Variants in HIVEP1 observed in about 807,000 individuals in gnomAD.
HIVEP1 encodes the protein HIVEP zinc finger 1.
Under a neutral mutation model 180.0 loss-of-function variants are expected in HIVEP1, and 36 were observed. The ratio of observed to expected loss-of-function variants is 0.20; its 90% CI spans 0.15 to 0.26. The LOEUF (loss-of-function observed/expected upper bound fraction) is 0.26, where lower values mean the gene tolerates loss of function less well. HIVEP1 is among the 10% of genes least tolerant of loss of function. The pLI is 1.00. For missense variants in HIVEP1, 3,143 were observed against 3,268.7 expected (o/e 0.96, Z 0.94); for synonymous variants, 1,239 against 1,239.0 (o/e 1.00, Z 0.00).
At chr6:12,211,139 C>T in the HIVEP1 span, among the ~76,000 whole-genome samples, 40,129 of 147,982 alleles carry the variant, frequency 0.27, 5,970 homozygotes, top group African/African-American at 0.37. Context: ...GTGGCTCACG[C>T]CTGTGATCCC....
intron 3 of HIVEP1, among the ~76,000 whole-genome samples, chr6:12,090,177 A>G (rs998981907): frequency 1.3e-5 from 2 of 152,160 alleles, no homozygotes; most frequent in African/African-American, 4.8e-5. Context: ...ACTATCTGTT[A>G]ATGAGCAAAA....
At chr6:12,091,549 G>A (rs1317461438) in intron 3 of HIVEP1, among the ~76,000 whole-genome samples, 2 of 152,004 alleles carry the variant, frequency 1.3e-5, no homozygotes, top group African/African-American at 2.4e-5. Flanking sequence ...GATTAAAAAA[G>A]ACATTTCCTC....
intron 3 of HIVEP1, among the ~76,000 whole-genome samples, chr6:12,108,738 C>T (rs903651357): frequency 2.6e-5 from 4 of 152,156 alleles, no homozygotes; most frequent in East Asian, 1.9e-4. Context: ...CTGCAAGCGC[C>T]GCGCGCACCC....
At chr6:12,045,356 C>T (rs1032576072) in intron 2 of HIVEP1, among the ~76,000 whole-genome samples, 1 of 152,170 alleles carries the variant, frequency 6.6e-6, no homozygotes, top group Admixed American at 6.5e-5. Flanking sequence ...TTAGATTCAC[C>T]TGAAAGGAGG....
At chr6:12,184,496 A>G in the HIVEP1 span, among the ~76,000 whole-genome samples, 4 of 152,214 alleles carry the variant, frequency 2.6e-5, no homozygotes, top group Admixed American at 2.6e-4. Context: ...ATTGCCATTG[A>G]TTAATGTGGC....
the HIVEP1 span, among the ~76,000 whole-genome samples, chr6:12,187,999 T>C: frequency 6.6e-5 from 10 of 152,152 alleles, no homozygotes; most frequent in African/African-American, 9.7e-5. Flanking sequence ...AGACAGCCTA[T>C]CAGGGACTAG....
At chr6:12,098,155 T>A (rs1193380073) in intron 3 of HIVEP1, among the ~76,000 whole-genome samples, 1 of 152,220 alleles carries the variant, frequency 6.6e-6, no homozygotes, top group African/African-American at 2.4e-5. Context: ...TATAATTGAT[T>A]AGAAGATGCA....
chr6:12,041,922 G>A lies in HIVEP1; in HGVS notation c.40+26254G>A, dbSNP rs577717263. On this transcript the variant is annotated intron_variant, in intron 2 of 8. Transcript: ENST00000379388. ...GATCCGCCCGCCTTGGCCTCCCAAA[G>A]TGCTGGGGTTATAGGTGTGAGTCAC... 5.9e-5 allele frequency among the ~76,000 whole-genome samples: 9 copies of A among 151,984 alleles called. No homozygotes were observed. The East Asian group carries it at 1.7e-3, about 29-fold the overall frequency.
intron 3 of HIVEP1, among the ~76,000 whole-genome samples, chr6:12,101,831 A>G (rs938443371): frequency 2.0e-5 from 3 of 152,062 alleles, no homozygotes; most frequent in Non-Finnish European, 2.9e-5. Flanking sequence ...AAGAAACAAG[A>G]TCTGACTATA....
the HIVEP1 span, among the ~76,000 whole-genome samples, chr6:12,170,988 C>T: frequency 2.0e-5 from 3 of 151,984 alleles, no homozygotes; most frequent in African/African-American, 4.8e-5. Flanking sequence ...TGTTGATGAC[C>T]CAAATAGGTC....
chr6:12,042,072 C>CTTTT (rs551684741), intron 2 of HIVEP1, among the ~76,000 whole-genome samples: 7 of 128,146 alleles, frequency 5.5e-5, no homozygotes, highest in African/African-American at 8.9e-5. Context: ...TATTCGTACG[C>CTTTT]TTTTTTTTTT....
At chr6:12,187,442 C>A in the HIVEP1 span, among the ~76,000 whole-genome samples, 2 of 152,020 alleles carry the variant, frequency 1.3e-5, no homozygotes, top group East Asian at 3.9e-4. Context: ...CTCACCCATC[C>A]CTTGCGTCCT....
chr6:12,127,164 A>AT (rs112316235), intron 4 of HIVEP1, among the ~76,000 whole-genome samples: 2,845 of 152,128 alleles, frequency 0.019, 93 homozygotes, highest in African/African-American at 0.066. Flanking sequence ...CCCAGCAAGA[A>AT]TAAAAAAAAA....
At chr6:12,073,281 T>G (rs1295139490) in intron 2 of HIVEP1, among the ~76,000 whole-genome samples, 3 of 152,224 alleles carry the variant, frequency 2.0e-5, no homozygotes, top group Non-Finnish European at 4.4e-5. Flanking sequence ...GAGTCACTGC[T>G]GATACTTTGC....
At chr6:12,100,768 A>C (rs1266280572) in intron 3 of HIVEP1, among the ~76,000 whole-genome samples, 1 of 152,178 alleles carries the variant, frequency 6.6e-6, no homozygotes, top group Non-Finnish European at 1.5e-5. Context: ...AAAATCTGAA[A>C]TCTAAAGTGC....
intron 2 of HIVEP1, among the ~76,000 whole-genome samples, chr6:12,068,335 C>G (rs957651217): frequency 1.3e-5 from 2 of 152,192 alleles, no homozygotes; most frequent in Non-Finnish European, 2.9e-5. Flanking sequence ...GGTGATCCGC[C>G]CACCTTGGCT....
At chr6:12,035,905 T>C (rs957634519) in intron 2 of HIVEP1, among the ~76,000 whole-genome samples, 2 of 152,120 alleles carry the variant, frequency 1.3e-5, no homozygotes, top group Non-Finnish European at 2.9e-5. Context: ...ATGAAAAAGG[T>C]AGCCTTTTCT....
upstream of HIVEP1, among the ~76,000 whole-genome samples, chr6:12,010,411 C>T (rs1767208569): frequency 6.6e-6 from 1 of 152,122 alleles, no homozygotes; most frequent in African/African-American, 2.4e-5. Flanking sequence ...TTTCTTAGCT[C>T]AAATGAGCCA....
At chr6:12,156,466 C>T (rs1246429440) in intron 7 of HIVEP1, among the ~76,000 whole-genome samples, 1 of 152,062 alleles carries the variant, frequency 6.6e-6, no homozygotes, top group East Asian at 1.9e-4. Flanking sequence ...AGCCAGTTTT[C>T]CCAGCATCGT....
Sources: allele counts gnomAD v4.1 joint callset (sites outside exome capture counted in the v4.1 genomes callset), GRCh38; gene constraint gnomAD v4.1.1; transcripts MANE v1.5; gene names NCBI Gene and HGNC (gene_info 2026-07-23, HGNC 2026-07-21).